Variants in PCDH15 observed in about 807,000 individuals in gnomAD.
PCDH15 encodes the protein protocadherin-15.
A neutral mutation model predicts 178.5 loss-of-function variants in PCDH15; 129 were observed. That is an observed-to-expected ratio of 0.72 (90% CI 0.63 to 0.84). The LOEUF (loss-of-function observed/expected upper bound fraction) is 0.84. Ranked by LOEUF, PCDH15 falls within the 40% of genes least tolerant of loss-of-function variation. The pLI is 0.00. For missense variants in PCDH15, 2,230 were observed against 2,099.9 expected, an observed-to-expected ratio of 1.06 and a Z score of -1.21; for synonymous variants, 800 against 732.0, an observed-to-expected ratio of 1.09 and a Z score of -1.50.
At chr10:55,003,004 A>C (rs574351571) in intron 2 of PCDH15, among the ~76,000 whole-genome samples, 1 of 152,120 alleles carries the variant, frequency 6.6e-6, no homozygotes, top group Non-Finnish European at 1.5e-5. Flanking sequence ...CCTTATTTTT[A>C]TATAGATGTG....
chr10:53,810,803 C>T (rs2075837376), intron 36 of PCDH15, 139 bp from the exon 37 acceptor site: 2 of 772,646 alleles, frequency 2.6e-6, no homozygotes, highest in African/African-American at 3.4e-5. Context: ...TCCTTGTAAA[C>T]TAGTTACAAA....
intron 32 of PCDH15, among the ~76,000 whole-genome samples, chr10:53,824,768 C>G (rs1271349611): frequency 6.6e-6 from 1 of 151,918 alleles, no homozygotes; most frequent in Non-Finnish European, 1.5e-5. Context: ...GTAAAGCACC[C>G]AATGGATATA....
At chr10:54,666,869 C>A (rs943398595) in intron 1 of PCDH15, among the ~76,000 whole-genome samples, 1 of 151,900 alleles carries the variant, frequency 6.6e-6, no homozygotes, top group Non-Finnish European at 1.5e-5. Context: ...ATGGCATATT[C>A]TTTTATTCCT....
chr10:53,945,557 A>C (rs1213280657), intron 23 of PCDH15, among the ~76,000 whole-genome samples: 1 of 151,774 alleles, frequency 6.6e-6, no homozygotes, highest in Admixed American at 6.6e-5. Flanking sequence ...ATATCTCCCC[A>C]ATCCTTCCCT....
At chr10:55,600,788 A>G (rs1843059377) in intron 2 of PCDH15, among the ~76,000 whole-genome samples, 1 of 152,182 alleles carries the variant, frequency 6.6e-6, no homozygotes, top group African/African-American at 2.4e-5. Context: ...GTGCTATTGT[A>G]GAACCGGTGC....
intron 2 of PCDH15, among the ~76,000 whole-genome samples, chr10:55,506,463 G>C (rs1308114429): frequency 1.3e-5 from 2 of 151,508 alleles, no homozygotes; most frequent in African/African-American, 4.8e-5. Flanking sequence ...CTACCTAGAA[G>C]AGACAAATGA....
chr10:54,465,703 G>C (rs1309281641), intron 3 of PCDH15, among the ~76,000 whole-genome samples: 2 of 151,978 alleles, frequency 1.3e-5, no homozygotes, highest in Non-Finnish European at 2.9e-5. Context: ...TAATAAACAT[G>C]GGGGTGCAGG....
At chr10:53,821,264 G>C in intron 32 of PCDH15, 1 of 985,060 alleles carries the variant, frequency 1.0e-6, no homozygotes, top group Non-Finnish European at 1.2e-6. Flanking sequence ...CAGAGTAAAA[G>C]ATGTTCTTAT....
At chr10:55,005,891 G>T (rs1839916491) in intron 2 of PCDH15, among the ~76,000 whole-genome samples, 1 of 151,908 alleles carries the variant, frequency 6.6e-6, no homozygotes, top group African/African-American at 2.4e-5. Flanking sequence ...GAACTATTTT[G>T]CTCTATAAAT....
chr10:53,814,792 C>A (rs1044170866), intron 35 of PCDH15, among the ~76,000 whole-genome samples: 1 of 151,880 alleles, frequency 6.6e-6, no homozygotes, highest in African/African-American at 2.4e-5. Flanking sequence ...GGTGAAACCC[C>A]GTCTCTACTA....
chr10:53,922,943 C>T (rs754506857), intron 25 of PCDH15, among the ~76,000 whole-genome samples: 23 of 151,850 alleles, frequency 1.5e-4, no homozygotes, highest in African/African-American at 4.1e-4. Context: ...AAAAATAAGC[C>T]GGGCATGGTG....
intron 3 of PCDH15, among the ~76,000 whole-genome samples, chr10:54,848,204 C>T (rs1377260186): frequency 1.3e-5 from 2 of 151,994 alleles, no homozygotes; most frequent in Non-Finnish European, 2.9e-5. Flanking sequence ...CATGGTGAAA[C>T]TTCATCTCTA....
chr10:53,922,276 G>T (rs1403752815), intron 25 of PCDH15, among the ~76,000 whole-genome samples: 2 of 151,660 alleles, frequency 1.3e-5, no homozygotes, highest in African/African-American at 4.8e-5. Context: ...AATTTTGTGT[G>T]GTTCGAACAT....
At position 55,130,146 on chromosome 10, in the gene PCDH15, T is replaced by C. The variant is rs116291797; in HGVS notation, c.-80+36430A>G. ...TAGTGGAAGTAAATATTGATTGGAG[T>C]GGATGTAGATGAGGGAAGGAGTGTT... On this transcript the variant is annotated intron_variant, in intron 2 of 5. Coordinates refer to the PCDH15 transcript ENST00000458638. 4.1e-3 allele frequency among the ~76,000 whole-genome samples: 629 copies of C among 151,646 alleles called. 8 individuals are homozygous for C. The highest frequency in any genetic ancestry group is 0.014 in the African/African-American group (591 of 41,314).
intron 26 of PCDH15, among the ~76,000 whole-genome samples, chr10:53,890,096 A>G (rs1290140466): frequency 6.6e-6 from 1 of 152,232 alleles, no homozygotes; most frequent in African/African-American, 2.4e-5. Flanking sequence ...TGCAGGTTGC[A>G]TTATGTATGC....
chr10:54,236,250 T>C (rs12260244), intron 9 of PCDH15, among the ~76,000 whole-genome samples: 1 of 152,186 alleles, frequency 6.6e-6, no homozygotes, highest in Non-Finnish European at 1.5e-5. Flanking sequence ...TTCTCATCAT[T>C]TTTGCTTTTG....
intron 2 of PCDH15, among the ~76,000 whole-genome samples, chr10:55,152,474 G>T (rs73263546): frequency 1.1e-4 from 17 of 152,256 alleles, no homozygotes; most frequent in African/African-American, 4.1e-4. Context: ...GAAAATGGTG[G>T]CAGATAAATT....
chr10:54,190,364 A>G (rs761532755), intron 11 of PCDH15, among the ~76,000 whole-genome samples: 8 of 152,168 alleles, frequency 5.3e-5, no homozygotes, highest in Non-Finnish European at 8.8e-5. Flanking sequence ...TATCCCTATA[A>G]TGATGATTGT....
chr10:55,105,283 T>C (rs1308709007), intron 2 of PCDH15, among the ~76,000 whole-genome samples: 1 of 152,180 alleles, frequency 6.6e-6, no homozygotes, highest in African/African-American at 2.4e-5. Flanking sequence ...TATATGTGAT[T>C]CATCTTTTTA....
Sources: allele counts gnomAD v4.1 joint callset (sites outside exome capture counted in the v4.1 genomes callset), GRCh38; gene constraint gnomAD v4.1.1; transcripts MANE v1.5; gene names NCBI Gene and HGNC (gene_info 2026-07-23, HGNC 2026-07-21).